The following OXR1 variants were observed in gnomAD, a reference collection of about 807,000 sequenced individuals.
OXR1 encodes the protein oxidation resistance 1.
A neutral mutation model predicts 104.6 loss-of-function variants in OXR1; 41 were observed. The observed-to-expected ratio is 0.39, with a 90% CI of 0.31 to 0.51. The LOEUF is 0.51. OXR1 is among the 20% of genes least tolerant of loss of function. The pLI, the probability that OXR1 is intolerant of heterozygous loss-of-function variation, is 0.77. For synonymous variants in OXR1, 348 were observed against 348.4 expected, an observed-to-expected ratio of 1.00 and a Z score of 0.01; for missense variants, 955 against 1,031.9, an observed-to-expected ratio of 0.93 and a Z score of 1.02.
At chr8:106,329,537 C>T (rs1394080361) in intron 1 of OXR1, among the ~76,000 whole-genome samples, 3 of 151,984 alleles carry the variant, frequency 2.0e-5, no homozygotes, top group Admixed American at 1.3e-4. Flanking sequence ...TTAGTAAAGA[C>T]GGGGTTTCAC....
chr8:106,474,015 ACACACACAC>A (rs1278717815), intron 2 of OXR1, among the ~76,000 whole-genome samples: 3 of 38,678 alleles, frequency 7.8e-5, no homozygotes, highest in African/African-American at 5.3e-4. Flanking sequence ...ATATTTATAC[ACACACACAC>A]ACACACACAC....
chr8:106,678,850 GA>G (rs1827859583), intron 3 of OXR1, among the ~76,000 whole-genome samples: 1 of 151,936 alleles, frequency 6.6e-6, no homozygotes, highest in Non-Finnish European at 1.5e-5. Context: ...TATATATCTT[GA>G]AAGATGTATT....
At chr8:106,630,955 G>T (rs1009724357) in intron 3 of OXR1, among the ~76,000 whole-genome samples, 1 of 152,090 alleles carries the variant, frequency 6.6e-6, no homozygotes, top group Admixed American at 6.6e-5. Flanking sequence ...AGGGACTTTT[G>T]GGGGTTGGTC....
At chr8:106,283,772 T>G (rs760434399) in intron 1 of OXR1, among the ~76,000 whole-genome samples, 19 of 152,294 alleles carry the variant, frequency 1.2e-4, no homozygotes, top group Non-Finnish European at 2.6e-4. Flanking sequence ...TTGGCTCTTT[T>G]AGGGTAAAAT....
rs199555068 is a variant in OXR1, at chr8:106,692,816, A to C, written c.614A>C (p.Glu205Ala). ...CGAGTTGTATCTTCAACTTCTGAGG[A>C]GGAGGAAGCATTTACTGAGAAATTT... ...PARVVSSTSEEEEAFTEKFLK... is the reference protein window; with the variant it reads ...PARVVSSTSEAEEAFTEKFLK... Residue 205 changes from glutamate to alanine, a missense_variant, in exon 7 of 17, where the codon GAG (glutamate) becomes GCG (alanine). Around this residue, in one of 2 missense-constraint regions of OXR1, gnomAD observed 849 missense variants for 852.9 expected, o/e 1.00. Coordinates refer to ENST00000517566, the MANE Select transcript of OXR1 (RefSeq NM_001198533.2). 224 of 1,606,118 alleles carry C rather than the reference A, an allele frequency of 1.4e-4. No homozygotes were observed. The highest frequency in any genetic ancestry group is 1.8e-4 in the Non-Finnish European group (216 of 1,174,418).
Position 106,453,993 on chromosome 8 carries a change from C to A in OXR1, c.24-64950C>A, listed in dbSNP as rs544971052. On this transcript the variant is annotated intron_variant, in intron 2 of 16. Transcript: ENST00000517566. ...TTTTTATTTTATTCTTATTGAAAAA[C>A]CATTTTTATACTTCAGGAAAAAAGA... Among the ~76,000 whole-genome samples, 17 of 152,232 alleles carry A rather than the reference C, an allele frequency of 1.1e-4. No individual in the cohort carries two copies. The East Asian group carries it at 3.3e-3, about 29-fold the overall frequency.
intron 1 of OXR1, among the ~76,000 whole-genome samples, chr8:106,350,962 C>T (rs1040913547): frequency 2.0e-5 from 3 of 152,136 alleles, no homozygotes; most frequent in Non-Finnish European, 4.4e-5. Flanking sequence ...TGGATGACTT[C>T]TACTCTAGAG....
At chr8:106,284,838 A>G (rs1812428368) in intron 1 of OXR1, among the ~76,000 whole-genome samples, 1 of 152,110 alleles carries the variant, frequency 6.6e-6, no homozygotes. Flanking sequence ...AAAATTATTC[A>G]GCTGTTTGCT....
chr8:106,511,326 A>T (rs147545414), intron 2 of OXR1, among the ~76,000 whole-genome samples: 1 of 152,218 alleles, frequency 6.6e-6, no homozygotes, highest in Non-Finnish European at 1.5e-5. Context: ...ACAGTATCCA[A>T]CTTGGAAAAC....
chr8:106,405,366 G>T (rs985492419), intron 2 of OXR1, among the ~76,000 whole-genome samples: 1 of 151,770 alleles, frequency 6.6e-6, no homozygotes, highest in Non-Finnish European at 1.5e-5. Flanking sequence ...ATAGATTCCA[G>T]TCCAAGTCTG....
At chr8:106,571,362 CAGAG>C (rs751481382) in intron 3 of OXR1, among the ~76,000 whole-genome samples, 2 of 152,040 alleles carry the variant, frequency 1.3e-5, no homozygotes, top group African/African-American at 4.8e-5. Flanking sequence ...GAAAGAGAGA[CAGAG>C]AGAGAGAAAG....
intron 2 of OXR1, among the ~76,000 whole-genome samples, chr8:106,507,124 G>A (rs945815623): frequency 4.6e-5 from 7 of 152,182 alleles, no homozygotes; most frequent in Non-Finnish European, 7.3e-5. Flanking sequence ...TCAAGGAATA[G>A]TGAAAAAGGG....
intron 3 of OXR1, among the ~76,000 whole-genome samples, chr8:106,627,234 C>T (rs574042004): frequency 2.0e-5 from 3 of 152,228 alleles, no homozygotes; most frequent in East Asian, 1.9e-4. Flanking sequence ...AACATTCCTT[C>T]CAAATTATTT....
chr8:106,515,902 G>A (rs1812826613), intron 2 of OXR1, among the ~76,000 whole-genome samples: 1 of 152,120 alleles, frequency 6.6e-6, no homozygotes, highest in Non-Finnish European at 1.5e-5. Flanking sequence ...TTAACTGTGA[G>A]ATACAGCTTT....
At chr8:106,333,406 G>T (rs1417062890) in intron 1 of OXR1, among the ~76,000 whole-genome samples, 2 of 151,958 alleles carry the variant, frequency 1.3e-5, no homozygotes, top group African/African-American at 4.8e-5. Context: ...ATATACTTTG[G>T]AAATATTTTC....
intron 1 of OXR1, among the ~76,000 whole-genome samples, chr8:106,348,819 G>A (rs1448032693): frequency 6.6e-6 from 1 of 152,092 alleles, no homozygotes; most frequent in Non-Finnish European, 1.5e-5. Flanking sequence ...CAAACACACT[G>A]AGCAGTAGTA....
At chr8:106,526,541 T>TG (rs1368554382) in intron 3 of OXR1, among the ~76,000 whole-genome samples, 1 of 152,168 alleles carries the variant, frequency 6.6e-6, no homozygotes, top group Non-Finnish European at 1.5e-5. Context: ...ACAGGGAAGT[T>TG]GGTTTTTTGT....
intron 1 of OXR1, among the ~76,000 whole-genome samples, chr8:106,341,206 T>G (rs1815232607): frequency 6.6e-6 from 1 of 152,176 alleles, no homozygotes; most frequent in Non-Finnish European, 1.5e-5. Flanking sequence ...CTAAGGCTAC[T>G]ATTTTCCAAA....
At chr8:106,323,574 A>G (rs913369847) in intron 1 of OXR1, among the ~76,000 whole-genome samples, 1 of 152,184 alleles carries the variant, frequency 6.6e-6, no homozygotes, top group Non-Finnish European at 1.5e-5. Context: ...GTAAACAACA[A>G]CCTGCAGAAT....
Sources: allele counts gnomAD v4.1 joint callset (sites outside exome capture counted in the v4.1 genomes callset), GRCh38; gene constraint gnomAD v4.1.1; regional missense constraint gnomAD v4.1.1; transcripts MANE v1.5; gene names NCBI Gene and HGNC (gene_info 2026-07-23, HGNC 2026-07-21).